The following SEMA5A variants were observed in gnomAD, a reference collection of about 807,000 sequenced individuals.
SEMA5A encodes the protein semaphorin 5A.
A neutral mutation model predicts 135.5 loss-of-function variants in SEMA5A; 55 were observed. The ratio of observed to expected loss-of-function variants is 0.41; its 90% CI spans 0.33 to 0.51. The LOEUF (loss-of-function observed/expected upper bound fraction) is 0.51. SEMA5A is among the 20% of genes least tolerant of loss of function. SEMA5A has a pLI of 0.37. For synonymous variants in SEMA5A, 580 were observed against 546.5 expected, an observed-to-expected ratio of 1.06 and a Z score of -0.85; for missense variants, 1,290 against 1,419.9, an observed-to-expected ratio of 0.91 and a Z score of 1.47.
intron 3 of SEMA5A, among the ~76,000 whole-genome samples, chr5:9,361,165 G>T (rs186244391): frequency 1.3e-5 from 2 of 152,170 alleles, no homozygotes; most frequent in East Asian, 3.9e-4. Flanking sequence ...CGGGCAAGTT[G>T]GTGGGCGCCT....
intron 4 of SEMA5A, among the ~76,000 whole-genome samples, chr5:9,335,625 C>A (rs958755271): frequency 2.0e-5 from 3 of 152,180 alleles, no homozygotes; most frequent in Non-Finnish European, 4.4e-5. Flanking sequence ...CCTGCCCCAC[C>A]CCGGTAAGGG....
intron 21 of SEMA5A, among the ~76,000 whole-genome samples, chr5:9,047,567 T>C (rs1736336662): frequency 6.6e-6 from 1 of 152,068 alleles, no homozygotes; most frequent in African/African-American, 2.4e-5. Context: ...TTTTGATCAG[T>C]AAAGATGGAA....
At chr5:9,300,071 G>C (rs896244865) in intron 5 of SEMA5A, among the ~76,000 whole-genome samples, 32 of 152,148 alleles carry the variant, frequency 2.1e-4, no homozygotes, top group Admixed American at 1.7e-3. Flanking sequence ...TGCTCTGTTA[G>C]ACTGGGGTGC....
In SEMA5A at chr5:9,044,402, C is replaced by T. The variant is rs1000155906; in HGVS notation, c.3076G>A (p.Asp1026Asn). 7 of 1,613,484 alleles carry T rather than the reference C, an allele frequency of 4.3e-6. No homozygotes were observed. In the African/African-American group the frequency reaches 9.4e-5, roughly 22 times the overall value. Residue 1026 changes from aspartate to asparagine, a missense_variant, in exon 22 of 23, where the codon GAC becomes AAC. Physicochemically the swap from Asp to Asn is conservative, Grantham distance 23. Transcript: ENST00000382496. ...ATGGCCTCCACCGAGTCGTACTTGT[C>T]CAGTTTGTTGATGTGGTTGGTTATG... Reference protein sequence around the residue: ...TSITNHINKLDKYDSVEAIKA... With the variant: ...TSITNHINKLNKYDSVEAIKA...
chr5:9,388,563 G>C (rs1056171550), intron 2 of SEMA5A, among the ~76,000 whole-genome samples: 1 of 152,004 alleles, frequency 6.6e-6, no homozygotes, highest in Non-Finnish European at 1.5e-5. Context: ...TTTACCTAGA[G>C]ATGTTTCCTC....
intron 3 of SEMA5A, among the ~76,000 whole-genome samples, chr5:9,357,861 A>G (rs1754521124): frequency 6.6e-6 from 1 of 152,244 alleles, no homozygotes; most frequent in African/African-American, 2.4e-5. Context: ...GTCGTACAGT[A>G]TGGATGAATA....
At chr5:9,253,354 G>A (rs1413681018) in intron 5 of SEMA5A, among the ~76,000 whole-genome samples, 1 of 152,074 alleles carries the variant, frequency 6.6e-6, no homozygotes, top group African/African-American at 2.4e-5. Flanking sequence ...GGGTTGTGAT[G>A]ACGGATAATT....
intron 3 of SEMA5A, among the ~76,000 whole-genome samples, chr5:9,366,452 G>A (rs928170678): frequency 3.3e-5 from 5 of 151,110 alleles, no homozygotes; most frequent in African/African-American, 1.2e-4. Flanking sequence ...GCAGTGGTGC[G>A]ATCTCGGCTC....
intron 2 of SEMA5A, among the ~76,000 whole-genome samples, chr5:9,399,698 A>C (rs1278665628): frequency 6.6e-6 from 1 of 152,162 alleles, no homozygotes; most frequent in East Asian, 1.9e-4. Flanking sequence ...TGATGGTTCC[A>C]GCAGAAGCTG....
At chr5:9,129,544 A>C (rs1696084949) in intron 13 of SEMA5A, among the ~76,000 whole-genome samples, 1 of 152,374 alleles carries the variant, frequency 6.6e-6, no homozygotes, top group East Asian at 1.9e-4. Context: ...CATGAATAAC[A>C]ATCTAAGTTC....
intron 1 of SEMA5A, among the ~76,000 whole-genome samples, chr5:9,523,355 A>G (rs915728467): frequency 2.0e-5 from 3 of 152,172 alleles, no homozygotes; most frequent in African/African-American, 4.8e-5. Flanking sequence ...TAAAGTGATT[A>G]TCTTACTTAG....
chr5:9,325,159 T>C (rs1278166190), intron 4 of SEMA5A, among the ~76,000 whole-genome samples: 1 of 152,186 alleles, frequency 6.6e-6, no homozygotes, highest in Non-Finnish European at 1.5e-5. Flanking sequence ...AAAGCAAGAG[T>C]TTGCCAAAGT....
chr5:9,085,860 C>T (rs1738653853), intron 16 of SEMA5A, among the ~76,000 whole-genome samples: 1 of 152,150 alleles, frequency 6.6e-6, no homozygotes, highest in Admixed American at 6.5e-5. Context: ...TGAAGGCAGC[C>T]AGGAGGGAGG....
chr5:9,490,287 A>T (rs268469), intron 1 of SEMA5A, among the ~76,000 whole-genome samples: 1 of 152,074 alleles, frequency 6.6e-6, no homozygotes, highest in Admixed American at 6.6e-5. Flanking sequence ...AAAGGCAAAC[A>T]TAATATATCT....
intron 12 of SEMA5A, among the ~76,000 whole-genome samples, chr5:9,152,723 A>G (rs1390469567): frequency 6.6e-6 from 1 of 152,194 alleles, no homozygotes; most frequent in Non-Finnish European, 1.5e-5. Context: ...AGCAATTCAC[A>G]TGTGTTGAGT....
At chr5:9,385,708 T>C (rs532170138) in intron 2 of SEMA5A, among the ~76,000 whole-genome samples, 1 of 151,990 alleles carries the variant, frequency 6.6e-6, no homozygotes, top group Admixed American at 6.5e-5. Flanking sequence ...GCTGCATGTG[T>C]GTCTCTTAAT....
chr5:9,190,820 C>T (rs1745069651), intron 10 of SEMA5A, among the ~76,000 whole-genome samples: 1 of 152,198 alleles, frequency 6.6e-6, no homozygotes, highest in Non-Finnish European at 1.5e-5. Flanking sequence ...TAAACACATA[C>T]TATTATATCT....
At chr5:9,161,003 G>A (rs2150280435) in intron 11 of SEMA5A, among the ~76,000 whole-genome samples, 1 of 152,284 alleles carries the variant, frequency 6.6e-6, no homozygotes, top group East Asian at 1.9e-4. Context: ...AATGACCCAT[G>A]AAACACTGAA....
chr5:9,275,860 C>T (rs999797057), intron 5 of SEMA5A, among the ~76,000 whole-genome samples: 1 of 152,170 alleles, frequency 6.6e-6, no homozygotes, highest in African/African-American at 2.4e-5. Context: ...TTATGACAAA[C>T]CCACAGCCAA....
Sources: allele counts gnomAD v4.1 joint callset (sites outside exome capture counted in the v4.1 genomes callset), GRCh38; gene constraint gnomAD v4.1.1; transcripts MANE v1.5; gene names NCBI Gene and HGNC (gene_info 2026-07-23, HGNC 2026-07-21).